Variants in PRKN observed in about 807,000 individuals in gnomAD.
The protein encoded by PRKN is parkin RBR E3 ubiquitin protein ligase.
A neutral mutation model predicts 59.5 loss-of-function variants in PRKN; 56 were observed. The ratio of observed to expected loss-of-function variants is 0.94; its 90% CI spans 0.76 to 1.18. PRKN has a LOEUF of 1.18. Among genes scored for constraint, PRKN ranks in the 50% most tolerant of loss-of-function variants. The pLI, the probability that PRKN is intolerant of heterozygous loss-of-function variation, is 0.00. For missense variants in PRKN, 657 were observed against 596.4 expected, an observed-to-expected ratio of 1.10 and a Z score of -1.06; for synonymous variants, 250 against 222.1, an observed-to-expected ratio of 1.13 and a Z score of -1.12.
intron 4 of PRKN, among the ~76,000 whole-genome samples, chr6:162,168,923 A>C (rs1783121398): frequency 6.6e-6 from 1 of 152,162 alleles, no homozygotes; most frequent in Non-Finnish European, 1.5e-5. Flanking sequence ...AAAATTTAAA[A>C]GCTTATTGTT....
At chr6:162,413,395 CA>C (rs1352857015) in intron 2 of PRKN, among the ~76,000 whole-genome samples, 1 of 151,768 alleles carries the variant, frequency 6.6e-6, no homozygotes, top group African/African-American at 2.4e-5. Flanking sequence ...GGGAAAGAGA[CA>C]AATGAGATTC....
In PRKN at chr6:161,413,226, G is replaced by A. The variant is rs144202320; in HGVS notation, c.1084-26349C>T. 2.6e-4 allele frequency among the ~76,000 whole-genome samples: 39 copies of A among 152,212 alleles called. No individual in the cohort carries two copies. The East Asian group carries it at 4.6e-3, about 18-fold the overall frequency. On this transcript the variant is annotated intron_variant, in intron 9 of 11. Transcript: ENST00000366898. The surrounding 1 kb of genome is among the most constrained non-coding windows in gnomAD (Gnocchi z 4.4). ...TATTTGTGGAAACCCACTGTCTCCC[G>A]GACACTGGCCTCCAGGGCACGGTCT...
rs146851071 is a variant in PRKN at position 161,595,501 on chromosome 6, C to T, written c.872-26085G>A. ...TTATTCTTTTCACAATCTCTTTCCACGCAGACACTCCATGTGGTTAGCTTG... is the reference window on the plus strand; with the variant it reads ...TTATTCTTTTCACAATCTCTTTCCATGCAGACACTCCATGTGGTTAGCTTG... On this transcript the variant is annotated intron_variant, in intron 7 of 11. Coordinates refer to ENST00000366898, the MANE Select transcript of PRKN (RefSeq NM_004562.3). 3.4e-3 allele frequency among the ~76,000 whole-genome samples: 521 copies of T among 152,336 alleles called. 3 individuals carry two copies. Among genetic ancestry groups the T allele is most frequent in the Admixed American group, 5.6e-3 (86 of 15,310 alleles).
chr6:161,896,334 A>G (rs778873216), intron 6 of PRKN, among the ~76,000 whole-genome samples: 7 of 152,168 alleles, frequency 4.6e-5, no homozygotes, highest in African/African-American at 1.4e-4. Context: ...GGCAGCTTCC[A>G]TTCCCTGTCT....
intron 3 of PRKN, among the ~76,000 whole-genome samples, chr6:162,213,071 A>C (rs909253178): frequency 6.6e-6 from 1 of 152,196 alleles, no homozygotes; most frequent in African/African-American, 2.4e-5. Flanking sequence ...ATGAAGATAT[A>C]AATTGATAAT....
At chr6:162,064,226 T>C (rs9458445) in intron 4 of PRKN, among the ~76,000 whole-genome samples, 58,086 of 151,998 alleles carry the variant, frequency 0.38, 11,816 homozygotes, top group Admixed American at 0.48. Flanking sequence ...TAATCTATGG[T>C]GATAAAAATC....
At chr6:162,564,371 A>T (rs545193868) in intron 1 of PRKN, among the ~76,000 whole-genome samples, 37 of 152,184 alleles carry the variant, frequency 2.4e-4, no homozygotes, top group African/African-American at 8.9e-4. Context: ...AACAAAAAAA[A>T]CAGTAATTGG....
chr6:162,556,364 T>TGTGCGTGTGCGTGTGC (rs1333960981), intron 1 of PRKN, among the ~76,000 whole-genome samples: 2 of 91,172 alleles, frequency 2.2e-5, no homozygotes, highest in African/African-American at 6.5e-5. Flanking sequence ...TGTGTGTGTG[T>TGTGCGTGTGCGTGTGC]GTGTGTGTGT....
intron 9 of PRKN, among the ~76,000 whole-genome samples, chr6:161,481,329 G>A (rs948239823): frequency 6.6e-6 from 1 of 152,132 alleles, no homozygotes; most frequent in Non-Finnish European, 1.5e-5. Context: ...CTTTGGCTGG[G>A]CGCGTTGGCT....
rs1013753026 is a variant in PRKN at position 161,551,244 on chromosome 6, T to G, written c.934-2241A>C. On this transcript the variant is annotated intron_variant, in intron 8 of 11. Transcript: ENST00000366898. This position sits in a 1 kb window ranked among gnomAD's most constrained non-coding sequence, Gnocchi z 5.2. ...TCTTAGAGGCTTCATACATAACCCT[T>G]GCCCACAGCACAGCCCCAAATGCCA... is the stretch of plus-strand genomic sequence containing the variant. Among the ~76,000 whole-genome samples the G allele has an allele frequency of 3.3e-5, 5 of 152,200 alleles. No homozygotes were observed. The East Asian group carries it at 9.6e-4, about 29-fold the overall frequency.
At chr6:162,035,564 A>G (rs895581584) in intron 5 of PRKN, among the ~76,000 whole-genome samples, 1 of 152,224 alleles carries the variant, frequency 6.6e-6, no homozygotes, top group Non-Finnish European at 1.5e-5. Flanking sequence ...TTCATAAAAA[A>G]TTATAGATCA....
chr6:161,759,317 A>AAG (rs1789091064), intron 7 of PRKN, among the ~76,000 whole-genome samples: 1 of 152,170 alleles, frequency 6.6e-6, no homozygotes, highest in African/African-American at 2.4e-5. Context: ...AGTAACTAGG[A>AAG]TCTAGGGGCT....
chr6:161,865,303 C>G (rs1167160019), intron 6 of PRKN, among the ~76,000 whole-genome samples: 1 of 152,198 alleles, frequency 6.6e-6, no homozygotes, highest in African/African-American at 2.4e-5. Context: ...GCAGAGTCAA[C>G]GTGGCCTAAT....
At chr6:162,500,460 C>T (rs993904027) in intron 1 of PRKN, among the ~76,000 whole-genome samples, 3 of 152,198 alleles carry the variant, frequency 2.0e-5, no homozygotes, top group African/African-American at 7.2e-5. Flanking sequence ...GCGTGAGCCA[C>T]TGCGCCCGGC....
intron 7 of PRKN, among the ~76,000 whole-genome samples, chr6:161,616,876 G>A (rs1334913261): frequency 6.6e-6 from 1 of 152,104 alleles, no homozygotes; most frequent in African/African-American, 2.4e-5. Context: ...ACATATGTGT[G>A]CATGTGTCTT....
In PRKN at chr6:161,372,315, A is replaced by T. The variant is rs1785472823; in HGVS notation, c.1168-12110T>A. Among the ~76,000 whole-genome samples, 1 of 152,224 alleles carries T rather than the reference A, an allele frequency of 6.6e-6. No individual in the cohort carries two copies. Among genetic ancestry groups the T allele is most frequent in the Non-Finnish European group, 1.5e-5 (1 of 68,046 alleles). ...GTTGGCTTAGGTCAGCAGTGACCAA[A>T]ATTATCCACATAGATGGGATTCTGA... On this transcript the variant is annotated intron_variant, in intron 10 of 11. Coordinates refer to ENST00000366898, the MANE Select transcript of PRKN (RefSeq NM_004562.3). The surrounding 1 kb of genome is among the most constrained non-coding windows in gnomAD (Gnocchi z 4.2).
At chr6:162,326,911 C>G (rs1172189887) in intron 2 of PRKN, among the ~76,000 whole-genome samples, 2 of 152,164 alleles carry the variant, frequency 1.3e-5, no homozygotes, top group African/African-American at 4.8e-5. Flanking sequence ...TGTGACTACA[C>G]AATTCCTACA....
In PRKN at chr6:162,436,443, C is replaced by T. The variant is rs144229932; in HGVS notation, c.171+6867G>A. 6.1e-3 allele frequency among the ~76,000 whole-genome samples: 917 copies of T among 151,422 alleles called. 35 individuals carry two copies. The highest frequency in any genetic ancestry group is 0.056 in the Admixed American group (852 of 15,198). ...CGCCTCCCAGGTTCAAGAGATTCTC[C>T]GCCTCAGCCTTCCACGTAGCTGGGA... is the stretch of plus-strand genomic sequence containing the variant. On this transcript the variant is annotated intron_variant, in intron 2 of 11. Coordinates refer to ENST00000366898, the MANE Select transcript of PRKN (RefSeq NM_004562.3).
At chr6:162,250,465 T>C (rs943172464) in intron 3 of PRKN, among the ~76,000 whole-genome samples, 3 of 152,186 alleles carry the variant, frequency 2.0e-5, no homozygotes, top group African/African-American at 7.2e-5. Flanking sequence ...CTTTGATCCT[T>C]TGATGAGTAC....
Sources: gnomAD v4.1 joint callset for allele counts (sites outside exome capture counted in the v4.1 genomes callset) on GRCh38, gnomAD v4.1.1 for gene constraint, Gnocchi (gnomAD v3.1) non-coding constraint, MANE v1.5 for transcripts, NCBI Gene and HGNC (gene_info 2026-07-23, HGNC 2026-07-21) for gene names.